Variants in OGFOD3 observed in about 807,000 individuals in gnomAD.
The protein encoded by OGFOD3 is 2-oxoglutarate and iron-dependent oxygenase domain-containing protein 3.
Under a neutral mutation model 39.8 loss-of-function variants are expected in OGFOD3, and 35 were observed. The observed-to-expected ratio is 0.88, with a 90% CI of 0.67 to 1.17. OGFOD3 has a LOEUF of 1.17. Ranked by LOEUF, OGFOD3 falls within the 50% of genes most tolerant of loss-of-function variation. OGFOD3 has a pLI of 0.00. For synonymous variants in OGFOD3, 200 were observed against 192.0 expected, an observed-to-expected ratio of 1.04 and a Z score of -0.34; for missense variants, 438 against 454.5, an observed-to-expected ratio of 0.96 and a Z score of 0.33.
At position 82,413,183 on chromosome 17, in the gene OGFOD3, C is replaced by T. The variant is rs1286336464; in HGVS notation, c.305-1653G>A. Among the ~76,000 whole-genome samples, 5 of 152,204 alleles carry T rather than the reference C, an allele frequency of 3.3e-5. No homozygotes were observed. In the East Asian group the frequency reaches 7.7e-4, roughly 23 times the overall value. ...CACAAAACGCGAGGACACAGGAAAG[C>T]GGAAAGCAAACAGCAAATGCAATGA... On this transcript the variant is annotated intron_variant, in intron 2 of 8. Transcript: ENST00000313056.
chr17:82,410,286 C>T (rs113166168), intron 3 of OGFOD3, among the ~76,000 whole-genome samples: 2 of 152,224 alleles, frequency 1.3e-5, no homozygotes, highest in Admixed American at 6.5e-5. Context: ...GCAGCATCCT[C>T]GGGGGCAGGC....
chr17:82,401,812 A>AAAAAAAAACAAAACAAAAC (rs1567868715), intron 7 of OGFOD3, among the ~76,000 whole-genome samples: 2 of 149,346 alleles, frequency 1.3e-5, no homozygotes, highest in African/African-American at 4.9e-5. Flanking sequence ...TCAAAAAAAA[A>AAAAAAAAACAAAACAAAAC]AAAAAAAAAA....
chr17:82,414,594 C>G (rs1411096933), intron 2 of OGFOD3, among the ~76,000 whole-genome samples: 3 of 152,210 alleles, frequency 2.0e-5, no homozygotes, highest in African/African-American at 4.8e-5. Flanking sequence ...AACAGAAACA[C>G]GTTCATTTTC....
At chr17:82,398,348 G>A (rs2052711352) in intron 7 of OGFOD3, 29 bp from the exon 8 acceptor site, 1 of 1,613,500 alleles carries the variant, frequency 6.2e-7, no homozygotes, top group Non-Finnish European at 8.5e-7. Flanking sequence ...GGAGGGGGCA[G>A]AATGGGCTCT....
chr17:82,402,393 C>T (rs1372892682), intron 7 of OGFOD3, among the ~76,000 whole-genome samples: 1 of 150,356 alleles, frequency 6.7e-6, no homozygotes, highest in African/African-American at 2.5e-5. Context: ...CAAGATCACA[C>T]AACTGCACTC....
intron 2 of OGFOD3, 77 bp from the exon 3 acceptor site, chr17:82,411,607 A>C: frequency 1.8e-6 from 2 of 1,093,890 alleles, no homozygotes; most frequent in South Asian, 2.5e-5. Context: ...CAGGGCCAGA[A>C]CTGGCTAATA....
At position 82,398,169 on chromosome 17, in the gene OGFOD3, C is replaced by G. The variant is rs201164804; in HGVS notation, c.823+27G>C. 4.0e-5 allele frequency: 65 copies of G among 1,613,146 alleles called. No individual in the cohort carries two copies. In the East Asian group the frequency reaches 1.4e-3, roughly 36 times the overall value. On this transcript the variant is annotated intron_variant, in intron 8 of 8. Coordinates refer to ENST00000313056, the MANE Select transcript of OGFOD3 (RefSeq NM_024648.3). ...GTGCTTGCCTGAGCCAGGAGCCCCA[C>G]GCCCAGGCCCCGCCCGCGCCTCCTA...
At chr17:82,395,617 T>G (rs1013796619) in intron 8 of OGFOD3, among the ~76,000 whole-genome samples, 1 of 152,028 alleles carries the variant, frequency 6.6e-6, no homozygotes, top group Non-Finnish European at 1.5e-5. Flanking sequence ...GTCAGGAGAT[T>G]GAGACCATTC....
intron 7 of OGFOD3, among the ~76,000 whole-genome samples, chr17:82,398,569 T>G (rs1224021703): frequency 6.6e-6 from 1 of 152,040 alleles, no homozygotes; most frequent in Non-Finnish European, 1.5e-5. Context: ...CCAGCTAATT[T>G]TGTATTTTTA....
intron 7 of OGFOD3, among the ~76,000 whole-genome samples, chr17:82,398,965 G>A (rs1265886128): frequency 7.5e-6 from 1 of 132,506 alleles, no homozygotes; most frequent in Non-Finnish European, 1.6e-5. Context: ...ATGAGCCACT[G>A]TGCCTGGCTG....
At position 82,415,663 on chromosome 17, in the gene OGFOD3, G is replaced by A. The variant is rs745575188; in HGVS notation, c.75-36C>T. On this transcript the variant is annotated intron_variant, in intron 1 of 8. Transcript: ENST00000313056. This position sits in a 1 kb window ranked among gnomAD's most constrained non-coding sequence, Gnocchi z 5.3. ...AAAACAGGCCACGTCACCCAAACAC[G>A]GAGTGAGGCCAGAGAAAACGCTCCC... The A allele has an allele frequency of 5.8e-6, 9 of 1,554,820 alleles. No individual in the cohort carries two copies. Among genetic ancestry groups the A allele is most frequent in the Admixed American group, 5.6e-5 (3 of 53,756 alleles).
In OGFOD3 at chr17:82,405,541, G is replaced by A. The variant is rs151074375; in HGVS notation, c.489-161C>T. ...CTGCTATAAAGGAGCCGGGCCGGGC[G>A]CAGTGGCTCACGCCTGTAATCCCAG... is the stretch of plus-strand genomic sequence containing the variant. On this transcript the variant is annotated intron_variant, in intron 5 of 8. Coordinates refer to ENST00000313056, the MANE Select transcript of OGFOD3 (RefSeq NM_024648.3). Among the ~76,000 whole-genome samples the A allele has an allele frequency of 4.4e-3, 663 of 152,374 alleles. 3 individuals are homozygous for A. Among genetic ancestry groups the A allele is most frequent in the African/African-American group, 0.013 (531 of 41,586 alleles).
intron 7 of OGFOD3, among the ~76,000 whole-genome samples, chr17:82,398,675 G>A (rs1426445891): frequency 2.6e-5 from 4 of 151,482 alleles, no homozygotes; most frequent in Non-Finnish European, 2.9e-5. Flanking sequence ...CTGGGATTAC[G>A]GGCATGAGCC....
At chr17:82,403,621 ACT>A (rs1286568567) in intron 7 of OGFOD3, among the ~76,000 whole-genome samples, 2 of 152,130 alleles carry the variant, frequency 1.3e-5, no homozygotes, top group East Asian at 1.9e-4. Context: ...ACAGAGCGAG[ACT>A]CTGTCTCAAC....
Position 82,415,084 on chromosome 17 carries a change from T to C in OGFOD3, c.304+314A>G, listed in dbSNP as rs1237483563. ...TCTTGTTACATTTTCCCCAACATTCTCTGACTCTACCACATTCTCCAGTCA... is the reference window on the plus strand; with the variant it reads ...TCTTGTTACATTTTCCCCAACATTCCCTGACTCTACCACATTCTCCAGTCA... On this transcript the variant is annotated intron_variant, in intron 2 of 8. Coordinates refer to ENST00000313056, the MANE Select transcript of OGFOD3 (RefSeq NM_024648.3). The surrounding 1 kb of genome is among the most constrained non-coding windows in gnomAD (Gnocchi z 5.3). Among the ~76,000 whole-genome samples, 1 of 152,224 alleles carries C rather than the reference T, an allele frequency of 6.6e-6. No individual in the cohort carries two copies. Among genetic ancestry groups the C allele is most frequent in the African/African-American group, 2.4e-5 (1 of 41,450 alleles).
intron 7 of OGFOD3, 48 bp from the exon 8 acceptor site, chr17:82,398,367 G>T: frequency 1.9e-6 from 3 of 1,609,780 alleles, no homozygotes; most frequent in South Asian, 2.2e-5. Context: ...CTCAGCATGC[G>T]ACCAGGGCAG....
rs1011937799 is a variant in OGFOD3 at position 82,404,513 on chromosome 17, C to G, written c.546-423G>C. 6.6e-6 allele frequency among the ~76,000 whole-genome samples: 1 copy of G among 151,970 alleles called. No homozygotes were observed. The highest frequency in any genetic ancestry group is 1.9e-4 in the East Asian group (1 of 5,186). On this transcript the variant is annotated intron_variant, in intron 6 of 8. Transcript: ENST00000313056. The surrounding 1 kb of genome is among the most constrained non-coding windows in gnomAD (Gnocchi z 4.5). ...TGGGGAGAGGGGAGTGGGTGTCGAG[C>G]CTGCTAAGTGTGGATGGGGTGTCTG...
In OGFOD3 at chr17:82,392,461, G is replaced by GT. The variant is rs1599681875; in HGVS notation, c.896dup (p.Tyr299Ter). The GT allele has an allele frequency of 1.2e-6, 2 of 1,611,906 alleles. No individual in the cohort carries two copies. The highest frequency in any genetic ancestry group is 1.7e-5 in the Admixed American group (1 of 59,702). Residue 299 changes from tyrosine (Y) to a stop codon, truncating the protein, a stop_gained and frameshift_variant, in exon 9 of 9, where the codon TAC (tyrosine) becomes TAAC (stop). Coordinates refer to ENST00000313056, the MANE Select transcript of OGFOD3 (RefSeq NM_024648.3). LOFTEE classifies it high-confidence loss of function. This position sits in a 1 kb window ranked among gnomAD's most constrained non-coding sequence, Gnocchi z 4.2. ...TGCAGCTGAAGGCGATGGTGATGGC[G>GT]TAACGGGTGCCCCAGTGGACCTTCT... ...RVEKVHWGTRYAITIAFSCNP... is the reference protein window; with the variant it reads ...RVEKVHWGTR
At chr17:82,405,689 C>T (rs940631310) in intron 5 of OGFOD3, among the ~76,000 whole-genome samples, 1 of 152,058 alleles carries the variant, frequency 6.6e-6, no homozygotes, top group African/African-American at 2.4e-5. Flanking sequence ...GTGGTGCGTG[C>T]CTGTAACCCC....
Sources: allele counts gnomAD v4.1 joint callset (sites outside exome capture counted in the v4.1 genomes callset), GRCh38; gene constraint gnomAD v4.1.1; non-coding constraint Gnocchi (gnomAD v3.1); transcripts MANE v1.5; gene names NCBI Gene and HGNC (gene_info 2026-07-23, HGNC 2026-07-21).